Variants in RPL15 observed in about 807,000 individuals in gnomAD.
RPL15 encodes the protein large ribosomal subunit protein eL15.
For synonymous variants in RPL15, 97 were observed against 95.1 expected (o/e 1.02, Z -0.12); for missense variants, 161 against 271.8 (o/e 0.59, Z 2.87).
chr3:23,919,771 A>T lies in RPL15; in HGVS notation c.*270A>T. ...TACTGTGTGGTATAACAGGCTTAAT[A>T]AATTCTTTAAAAGGAGAGAACTGAA... On this transcript the variant is annotated 3_prime_UTR_variant, in exon 4 of 4. Transcript: ENST00000307839. The T allele has an allele frequency of 8.7e-7, 1 of 1,147,974 alleles. No homozygotes were observed. The highest frequency in any genetic ancestry group is 1.1e-6 in the Non-Finnish European group (1 of 933,926). The allele number at this position is 1,147,974 out of a possible 1,614,324, so 71.1% of individuals were successfully genotyped here.
downstream of RPL15, chr3:23,922,928 C>T (rs180945798): frequency 1.3e-5 from 2 of 152,306 alleles, no homozygotes; most frequent in South Asian, 2.1e-4. The surrounding 1 kb of genome is among the most constrained non-coding windows in gnomAD (Gnocchi z 4.2). Flanking sequence ...CTCAGCCTGT[C>T]GAGTAGCTGG....
intron 3 of RPL15, 185 bp from the exon 4 acceptor site, chr3:23,919,011 T>G (rs1171152225): frequency 3.3e-6 from 2 of 605,072 alleles, no homozygotes; most frequent in African/African-American, 3.7e-5. Flanking sequence ...CTATGTGTGT[T>G]GTTTTAGCAA....
intron 1 of RPL15, chr3:23,917,647 C>G: frequency 1.9e-6 from 1 of 535,572 alleles, no homozygotes; most frequent in Non-Finnish European, 3.3e-6. Context: ...GAGCACCGCT[C>G]TGTGCTGGGG....
rs780357140 is a variant in RPL15, at chr3:23,918,522, C to G, written c.255C>G (p.Val85=). 4 of 1,613,862 alleles carry G rather than the reference C, an allele frequency of 2.5e-6. No individual in the cohort carries two copies. In the East Asian group the frequency reaches 6.7e-5, roughly 27 times the overall value. Residue 85 remains valine, a synonymous_variant, in exon 3 of 4, where the codon GTC becomes GTG. Transcript: ENST00000307839. ...AGGGTGCAACTTACGGCAAGCCTGT[C>G]CATCATGGTGTTAACCAGCTAAAGT... is the stretch of plus-strand genomic sequence containing the variant. ...VPKGATYGKP[V]HHGVNQLKFA... is the part of the protein sequence containing the mutation.
At chr3:23,919,163 G>C in intron 3 of RPL15, 33 bp from the exon 4 acceptor site, 1 of 1,466,708 alleles carries the variant, frequency 6.8e-7, no homozygotes, top group Non-Finnish European at 9.5e-7. Flanking sequence ...GGCAATGTGG[G>C]AGATTGACCT....
Position 23,918,168 on chromosome 3 carries a change from C to T in RPL15, c.172+137C>T, listed in dbSNP as rs1017106852. ...GCAGAAAAAAGCTAGCAACACTGGT[C>T]AGTTACTGTATGCACTGTTGTCTAA... On this transcript the variant is annotated intron_variant, in intron 2 of 3. Transcript: ENST00000307839. The T allele has an allele frequency of 7.3e-5, 83 of 1,130,034 alleles. No homozygotes were observed. The African/African-American group carries it at 1.2e-3, about 16-fold the overall frequency. 70.0% of individuals were successfully genotyped at this position (1,130,034 alleles called of 1,614,324 possible).
chr3:23,918,801 G>T (rs1031713533), intron 3 of RPL15: 84 of 582,322 alleles, frequency 1.4e-4, no homozygotes, highest in Non-Finnish European at 2.4e-4. Context: ...CTTTAAAGCG[G>T]CAAGAATATG....
rs533444033 is a variant in RPL15, at chr3:23,919,572, T to C, written c.*71T>C. ...CAGTCATGTCTGCTTACAGGTGTTA[T>C]TTGTCTGTTAAAACTAGTCTGCAGA... On this transcript the variant is annotated 3_prime_UTR_variant, in exon 4 of 4. Transcript: ENST00000307839. 9 of 1,437,708 alleles carry C rather than the reference T, an allele frequency of 6.3e-6. No individual in the cohort carries two copies. The highest frequency in any genetic ancestry group is 3.0e-5 in the South Asian group (2 of 67,138). The allele number at this position is 1,437,708 out of a possible 1,614,324, so 89.1% of individuals were successfully genotyped here. A position where few individuals can be genotyped will look rare whatever the true frequency, so the allele number is the denominator to read the frequency against.
intron 3 of RPL15, chr3:23,918,952 CCTG>C: frequency 1.8e-6 from 1 of 555,272 alleles, no homozygotes; most frequent in South Asian, 2.5e-5. Flanking sequence ...TTAACATATT[CCTG>C]CCCTAGTCAG....
At chr3:23,921,964 C>G (rs1362628281), downstream of RPL15, 1 of 222,112 alleles carries the variant, frequency 4.5e-6, no homozygotes, top group African/African-American at 2.3e-5. Context: ...CCTTGGCCTC[C>G]CAAAGTGCTG....
At chr3:23,917,734 A>G in intron 1 of RPL15, 116 bp from the exon 2 acceptor site, 1 of 1,059,188 alleles carries the variant, frequency 9.4e-7, no homozygotes, top group Non-Finnish European at 1.4e-6. Flanking sequence ...GTTGGTGCAG[A>G]GCCATTTTCA....
chr3:23,921,583 T>TC, downstream of RPL15: 9 of 678,626 alleles, frequency 1.3e-5, no homozygotes, highest in Non-Finnish European at 1.9e-5. Context: ...TTTTTTTTTT[T>TC]TTTTTTTTTT....
intron 3 of RPL15, 35 bp from the exon 4 acceptor site, chr3:23,919,161 G>C (rs1704926478): frequency 6.9e-7 from 1 of 1,445,746 alleles, no homozygotes. Flanking sequence ...TAGGCAATGT[G>C]GGAGATTGAC....
intron 1 of RPL15, 96 bp from the exon 2 acceptor site, chr3:23,917,754 G>A: frequency 4.7e-6 from 6 of 1,264,434 alleles, no homozygotes; most frequent in Non-Finnish European, 5.5e-6. Flanking sequence ...ATTCCCGGCG[G>A]TTTCCTTGTT....
downstream of RPL15, chr3:23,921,570 GTTTTTTTTTTT>G (rs71622703): frequency 5.2e-4 from 264 of 508,926 alleles, 2 homozygotes; most frequent in African/African-American, 5.4e-3. Flanking sequence ...TGATTATTGA[GTTTTTTTTTTT>G]TTTTTTTTTT....
In RPL15 at chr3:23,919,552, A is replaced by T; in HGVS notation, c.*51A>T. ...ACTTAATAAACAATTTAGGACAGTCATGTCTGCTTACAGGTGTTATTTGTC... is the reference window on the plus strand; with the variant it reads ...ACTTAATAAACAATTTAGGACAGTCTTGTCTGCTTACAGGTGTTATTTGTC... On this transcript the variant is annotated 3_prime_UTR_variant, in exon 4 of 4. Coordinates refer to ENST00000307839, the MANE Select transcript of RPL15 (RefSeq NM_002948.5). 6.8e-7 allele frequency: 1 copy of T among 1,461,914 alleles called. No homozygotes were observed. The highest frequency in any genetic ancestry group is 9.0e-7 in the Non-Finnish European group (1 of 1,110,876). The allele number at this position is 1,461,914 out of a possible 1,614,324, so 90.6% of individuals were successfully genotyped here.
At chr3:23,917,593 G>A (rs1273409302) in intron 1 of RPL15, 3 of 362,984 alleles carry the variant, frequency 8.3e-6, no homozygotes, top group Non-Finnish European at 1.5e-5. Flanking sequence ...CGCCCCCTTG[G>A]TGCTCAGTTC....
chr3:23,916,874 C>T (rs1165449356), upstream of RPL15: 1 of 152,874 alleles, frequency 6.5e-6, no homozygotes, highest in East Asian at 1.9e-4. Flanking sequence ...CCTCCTCTCG[C>T]GGAGAGACAG....
rs888437796 is a variant in RPL15, at chr3:23,917,563, C to G, written c.-10-287C>G. On this transcript the variant is annotated intron_variant, in intron 1 of 3. Transcript: ENST00000307839. ...TCTCCTTTCAGGTCCTCCTTGGGGA[C>G]GCCGCCTGCCGCAGCCACCCGCCCC... is the stretch of plus-strand genomic sequence containing the variant. 3 of 303,860 alleles carry G rather than the reference C, an allele frequency of 9.9e-6. No homozygotes were observed. The South Asian group carries it at 1.6e-4, about 16-fold the overall frequency. 18.8% of individuals were successfully genotyped at this position (303,860 alleles called of 1,614,324 possible).
Sources: gnomAD v4.1 joint callset for allele counts on GRCh38, gnomAD v4.1.1 for gene constraint, Gnocchi (gnomAD v3.1) non-coding constraint, MANE v1.5 for transcripts, NCBI Gene and HGNC (gene_info 2026-07-23, HGNC 2026-07-21) for gene names.